The following COL5A2 variants were observed in gnomAD, a reference collection of about 807,000 sequenced individuals.
The protein encoded by COL5A2 is collagen type V alpha 2 chain, also known as collagen alpha-2(V) chain.
COL5A2 carries 23 observed loss-of-function variants against 208.2 expected under a neutral mutation model. The observed-to-expected ratio is 0.11, with a 90% confidence interval of 0.08 to 0.16. The LOEUF (loss-of-function observed/expected upper bound fraction) is 0.16, where lower values mean the gene tolerates loss of function less well. Among genes scored for constraint, COL5A2 ranks in the 10% least tolerant of loss-of-function variants. The pLI, the probability that COL5A2 is intolerant of heterozygous loss-of-function variation, is 1.00. For missense variants in COL5A2, 1,590 were observed against 1,956.4 expected (o/e 0.81, Z 3.53); for synonymous variants, 625 against 628.5 (o/e 0.99, Z 0.08).
intron 53 of COL5A2, among the ~76,000 whole-genome samples, chr2:189,034,487 G>T (rs1685401674): frequency 6.6e-6 from 1 of 152,126 alleles, no homozygotes; most frequent in Admixed American, 6.6e-5. Context: ...TTTCACAAAT[G>T]AAACTATAAT....
intron 53 of COL5A2, 46 bp downstream of exon 53, chr2:189,034,870 A>G: frequency 6.2e-7 from 1 of 1,612,232 alleles, no homozygotes; most frequent in Non-Finnish European, 8.5e-7. Flanking sequence ...TAACAAAAAT[A>G]ATTTTTTTTC....
At chr2:189,129,936 G>T (rs1687679298) in intron 1 of COL5A2, among the ~76,000 whole-genome samples, 1 of 152,034 alleles carries the variant, frequency 6.6e-6, no homozygotes, top group African/African-American at 2.4e-5. Context: ...AAAGGAAGAT[G>T]AAATAAATTA....
At position 189,053,408 on chromosome 2, in the gene COL5A2, T is replaced by C; in HGVS notation, c.2553+16A>G. The C allele has an allele frequency of 1.2e-6, 2 of 1,606,722 alleles. No homozygotes were observed. The highest frequency in any genetic ancestry group is 1.7e-6 in the Non-Finnish European group (2 of 1,173,342). ...TAAGTGTTTATTTGTAAATTAGGGA[T>C]ATTTGAAAATTATACCTGGGGTCCG... On this transcript the variant is annotated intron_variant, in intron 38 of 53. Transcript: ENST00000374866.
upstream of COL5A2, among the ~76,000 whole-genome samples, chr2:189,229,427 T>G (rs893043156): frequency 1.1e-5 from 1 of 93,810 alleles, no homozygotes; most frequent in Non-Finnish European, 2.2e-5. Flanking sequence ...CACACACACA[T>G]ACATACACAC....
rs184991345 is a variant in COL5A2, at chr2:189,082,084, C to T, written c.853-1041G>A. Among the ~76,000 whole-genome samples, 52 of 152,228 alleles carry T rather than the reference C, an allele frequency of 3.4e-4. No homozygotes were observed. In the East Asian group the frequency reaches 9.6e-3, roughly 28 times the overall value. On this transcript the variant is annotated intron_variant, in intron 12 of 53. Coordinates refer to ENST00000374866, the MANE Select transcript of COL5A2 (RefSeq NM_000393.5). The stretch of plus-strand genomic sequence containing the variant: ...CAATGAATAATCACTGGATAAACAA[C>T]TAAATAAAGAAATGGTTTGATATTT...
At chr2:189,238,708 G>A in the COL5A2 span, among the ~76,000 whole-genome samples, 1 of 152,228 alleles carries the variant, frequency 6.6e-6, no homozygotes, top group East Asian at 1.9e-4. Context: ...GGAAGGAGAA[G>A]AGCTGAGCAA....
intron 37 of COL5A2, 146 bp downstream of exon 37, chr2:189,053,749 T>C (rs1256230665): frequency 1.2e-6 from 1 of 833,972 alleles, no homozygotes; most frequent in Non-Finnish European, 1.9e-6. Flanking sequence ...TTTTTAAGTT[T>C]AATTAGAAAA....
the COL5A2 span, among the ~76,000 whole-genome samples, chr2:189,414,035 G>A: frequency 4.0e-5 from 6 of 151,890 alleles, no homozygotes; most frequent in East Asian, 1.9e-4. Context: ...CAGGTGATCC[G>A]GCCACCTCCA....
chr2:189,341,432 C>T, the COL5A2 span, among the ~76,000 whole-genome samples: 2 of 151,998 alleles, frequency 1.3e-5, no homozygotes, highest in African/African-American at 2.4e-5. Context: ...CTGTGACAAA[C>T]TTATCAATGT....
At chr2:189,381,680 G>A in the COL5A2 span, among the ~76,000 whole-genome samples, 3 of 152,020 alleles carry the variant, frequency 2.0e-5, no homozygotes, top group East Asian at 5.8e-4. Context: ...CTTGCGGTAT[G>A]TTATGCATTC....
chr2:189,089,841 C>G lies in COL5A2; in HGVS notation c.568-1069G>C, dbSNP rs575591236. ...GCCCATACAAGACAATAAACTTGAT[C>G]AATAAATATTGTGTGTGTTGTTCTA... On this transcript the variant is annotated intron_variant, in intron 7 of 53. Transcript: ENST00000374866. Among the ~76,000 whole-genome samples, 10 of 152,274 alleles carry G rather than the reference C, an allele frequency of 6.6e-5. No homozygotes were observed. The South Asian group carries it at 2.1e-3, about 32-fold the overall frequency.
chr2:189,165,666 G>T (rs764507246), intron 1 of COL5A2, among the ~76,000 whole-genome samples: 29 of 152,192 alleles, frequency 1.9e-4, no homozygotes, highest in Non-Finnish European at 3.4e-4. Context: ...CTTGTTCAAG[G>T]TCACAAGGTT....
chr2:189,101,255 T>C (rs534650083), intron 3 of COL5A2, among the ~76,000 whole-genome samples: 1 of 152,184 alleles, frequency 6.6e-6, no homozygotes, highest in East Asian at 1.9e-4. Flanking sequence ...CTTTCATATA[T>C]ATTATCCTTT....
At chr2:189,078,600 A>T (rs770533059) in intron 15 of COL5A2, 31 bp from the exon 16 acceptor site, 1 of 1,572,280 alleles carries the variant, frequency 6.4e-7, no homozygotes, top group Non-Finnish European at 8.8e-7. Flanking sequence ...ATGTCTCTTG[A>T]AGCACCTAAT....
At chr2:189,417,681 G>C in the COL5A2 span, among the ~76,000 whole-genome samples, 2 of 151,824 alleles carry the variant, frequency 1.3e-5, no homozygotes, top group Admixed American at 1.3e-4. Flanking sequence ...ATATGGATGA[G>C]AATATGAGAT....
At chr2:189,352,355 T>C in the COL5A2 span, among the ~76,000 whole-genome samples, 1 of 152,254 alleles carries the variant, frequency 6.6e-6, no homozygotes, top group Non-Finnish European at 1.5e-5. Flanking sequence ...TTTCTAGTTC[T>C]AGATCCTTGA....
At chr2:189,305,814 TA>T in the COL5A2 span, among the ~76,000 whole-genome samples, 81,937 of 139,522 alleles carry the variant, frequency 0.59, 24,246 homozygotes, top group East Asian at 0.71. Flanking sequence ...ATATTCAATC[TA>T]AAAAAAAAAA....
the COL5A2 span, among the ~76,000 whole-genome samples, chr2:189,429,752 T>C: frequency 6.6e-6 from 1 of 152,224 alleles, no homozygotes; most frequent in Non-Finnish European, 1.5e-5. Flanking sequence ...TCAGGGATAA[T>C]ATTACCATAG....
chr2:189,127,915 C>T (rs1687639780), intron 1 of COL5A2, among the ~76,000 whole-genome samples: 1 of 152,022 alleles, frequency 6.6e-6, no homozygotes, highest in Non-Finnish European at 1.5e-5. Context: ...AGTGCTGCTT[C>T]TTCCACAAAA....
Sources: gnomAD v4.1 joint callset for allele counts (sites outside exome capture counted in the v4.1 genomes callset) on GRCh38, gnomAD v4.1.1 for gene constraint, MANE v1.5 for transcripts, NCBI Gene and HGNC (gene_info 2026-07-23, HGNC 2026-07-21) for gene names.